SGSM1: variants seen among roughly 807,000 people sequenced by gnomAD.
The protein encoded by SGSM1 is small G protein signaling modulator 1, also known as RUN and TBC1 domain containing 2.
A neutral mutation model predicts 133.8 loss-of-function variants in SGSM1; 73 were observed. That is an observed-to-expected ratio of 0.55 (90% CI 0.45 to 0.66). The LOEUF is 0.66. Ranked by LOEUF, SGSM1 falls within the 30% of genes least tolerant of loss-of-function variation. The pLI is 0.00. For missense variants in SGSM1, 1,213 were observed against 1,448.1 expected (o/e 0.84, Z 2.64); for synonymous variants, 563 against 573.0 (o/e 0.98, Z 0.25).
At chr22:24,894,183 C>T (rs185344233) in intron 17 of SGSM1, among the ~76,000 whole-genome samples, 43 of 152,280 alleles carry the variant, frequency 2.8e-4, no homozygotes, top group African/African-American at 9.1e-4. Context: ...GCGGGTGGAT[C>T]ACCTGAGGTC....
At chr22:24,890,545 A>T (rs1324829434) in intron 16 of SGSM1, among the ~76,000 whole-genome samples, 1 of 151,626 alleles carries the variant, frequency 6.6e-6, no homozygotes, top group Non-Finnish European at 1.5e-5. Context: ...TTTTTTTATT[A>T]TTATTATTTT....
chr22:24,832,064 C>T (rs577668469), intron 2 of SGSM1, among the ~76,000 whole-genome samples: 1 of 152,202 alleles, frequency 6.6e-6, no homozygotes, highest in Admixed American at 6.5e-5. Context: ...CCGTGGCTGT[C>T]TTGGGGCAGG....
intron 22 of SGSM1, among the ~76,000 whole-genome samples, chr22:24,914,366 C>T (rs530212185): frequency 1.3e-5 from 2 of 151,402 alleles, no homozygotes; most frequent in East Asian, 3.9e-4. Context: ...GCTACAGCTA[C>T]TCAGGAGGCT....
At chr22:24,823,499 G>A (rs1014788876) in intron 2 of SGSM1, among the ~76,000 whole-genome samples, 1 of 152,156 alleles carries the variant, frequency 6.6e-6, no homozygotes, top group Non-Finnish European at 1.5e-5. Context: ...TACTCAGGAG[G>A]CTGAGGCAGG....
intron 13 of SGSM1, among the ~76,000 whole-genome samples, chr22:24,877,641 T>C (rs769442010): frequency 2.6e-5 from 4 of 151,948 alleles, no homozygotes; most frequent in Non-Finnish European, 4.4e-5. Context: ...AATCCCCTGG[T>C]TCCTCAGGGT....
chr22:24,839,358 A>G (rs532195802), intron 2 of SGSM1, among the ~76,000 whole-genome samples: 46 of 152,296 alleles, frequency 3.0e-4, no homozygotes, highest in Middle Eastern at 6.8e-3. Flanking sequence ...GCAACTGGAC[A>G]GTGACCGACC....
At chr22:24,886,413 G>A (rs1023029723) in intron 15 of SGSM1, among the ~76,000 whole-genome samples, 187 bp from the exon 16 acceptor site, 1 of 150,182 alleles carries the variant, frequency 6.7e-6, no homozygotes, top group African/African-American at 2.5e-5. Context: ...GAAGAAGATA[G>A]CTCAGGGTGG....
chr22:24,906,782 A>T (rs997849634), intron 21 of SGSM1, among the ~76,000 whole-genome samples: 6 of 151,986 alleles, frequency 3.9e-5, no homozygotes, highest in Admixed American at 3.9e-4. Context: ...AAAATAAAAC[A>T]TAAAAAAAAG....
chr22:24,883,225 C>G (rs1243041752), intron 14 of SGSM1, among the ~76,000 whole-genome samples: 1 of 152,140 alleles, frequency 6.6e-6, no homozygotes, highest in Non-Finnish European at 1.5e-5. Flanking sequence ...TTTATCCATT[C>G]ATTCACTGAT....
Position 24,912,742 on chromosome 22 carries a change from C to T in SGSM1, c.2918C>T (p.Ser973Leu), listed in dbSNP as rs1274533726. Residue 973 changes from serine to leucine, a missense_variant, in exon 22 of 25, where the codon TCG becomes TTG. Physicochemically the swap from Ser to Leu is moderately radical, Grantham distance 145. Transcript: ENST00000400358. The stretch of plus-strand genomic sequence containing the variant: ...GACACGCACTTTGCAAACATGAGAT[C>T]GTTGATCCAGGTATGACCCAGCATC... The part of the protein sequence containing the change: ...AMDTHFANMR[S>L]LIQILDSELF... The T allele has an allele frequency of 1.2e-6, 2 of 1,611,140 alleles. No individual in the cohort carries two copies. The highest frequency in any genetic ancestry group is 1.7e-5 in the Admixed American group (1 of 59,704).
intron 23 of SGSM1, among the ~76,000 whole-genome samples, chr22:24,919,320 G>T (rs1359496175): frequency 3.9e-5 from 6 of 152,126 alleles, no homozygotes; most frequent in Admixed American, 6.6e-5. Flanking sequence ...AAAGTGCTGG[G>T]ATTACAGTCA....
In SGSM1 at chr22:24,861,657, C is replaced by T. The variant is rs1931159850; in HGVS notation, c.926+1817C>T. On this transcript the variant is annotated intron_variant, in intron 9 of 24. Coordinates refer to ENST00000400358, the MANE Select transcript of SGSM1 (RefSeq NM_001098497.3). ...CTGCTTCCTGGGTTCAAGCGATCCT[C>T]CCACCTCAGCCTCCTGAGTAGCTGG... Among the ~76,000 whole-genome samples, 3 of 151,236 alleles carry T rather than the reference C, an allele frequency of 2.0e-5. 1 individual carries two copies. The South Asian group carries it at 6.3e-4, about 32-fold the overall frequency.
chr22:24,899,854 G>A (rs999012338), intron 19 of SGSM1, among the ~76,000 whole-genome samples: 4 of 151,960 alleles, frequency 2.6e-5, no homozygotes, highest in South Asian at 2.1e-4. Context: ...TTGTCCTTCT[G>A]TGCTGAATTC....
At chr22:24,815,715 C>T (rs113285499) in intron 2 of SGSM1, among the ~76,000 whole-genome samples, 3,795 of 152,012 alleles carry the variant, frequency 0.025, 104 homozygotes, top group African/African-American at 0.075. Context: ...CACTGGAGGG[C>T]GAAAGAGTGA....
intron 2 of SGSM1, among the ~76,000 whole-genome samples, chr22:24,822,324 C>T (rs1453363003): frequency 1.3e-5 from 2 of 152,018 alleles, no homozygotes; most frequent in Non-Finnish European, 2.9e-5. Context: ...GATCTCCTGA[C>T]CTCCTGATCT....
At chr22:24,864,313 G>A (rs1310877786) in intron 9 of SGSM1, among the ~76,000 whole-genome samples, 11 of 152,114 alleles carry the variant, frequency 7.2e-5, no homozygotes, top group Non-Finnish European at 1.6e-4. Flanking sequence ...TCTGCTCATA[G>A]GGATCTACCC....
chr22:24,898,871 CA>C (rs1385849171), intron 19 of SGSM1, among the ~76,000 whole-genome samples: 1 of 151,802 alleles, frequency 6.6e-6, no homozygotes, highest in Non-Finnish European at 1.5e-5. Context: ...ACTAAAAGTA[CA>C]AAAAATTAGC....
At chr22:24,854,151 C>G (rs376672843) in intron 5 of SGSM1, among the ~76,000 whole-genome samples, 11 of 152,282 alleles carry the variant, frequency 7.2e-5, no homozygotes, top group East Asian at 3.9e-4. Flanking sequence ...CAAACCATGT[C>G]AGATGGCATC....
chr22:24,912,598 C>T, intron 21 of SGSM1, 45 bp from the exon 22 acceptor site: 1 of 1,289,386 alleles, frequency 7.8e-7, no homozygotes, highest in Non-Finnish European at 1.1e-6. Flanking sequence ...TGAACCATAT[C>T]ACTTGGGCAG....
Sources: allele counts gnomAD v4.1 joint callset (sites outside exome capture counted in the v4.1 genomes callset), GRCh38; gene constraint gnomAD v4.1.1; transcripts MANE v1.5; gene names NCBI Gene and HGNC (gene_info 2026-07-23, HGNC 2026-07-21).